The following IDH2 variants were observed in gnomAD, a reference collection of about 807,000 sequenced individuals.
IDH2 encodes isocitrate dehydrogenase [NADP], mitochondrial.
Under a neutral mutation model 50.5 loss-of-function variants are expected in IDH2, and 18 were observed. The ratio of observed to expected loss-of-function variants is 0.36; its 90% CI spans 0.25 to 0.53. The LOEUF (loss-of-function observed/expected upper bound fraction) is 0.53. IDH2 is among the 20% of genes least tolerant of loss of function. The pLI, the probability that IDH2 is intolerant of heterozygous loss-of-function variation, is 0.92. For synonymous variants in IDH2, 280 were observed against 239.8 expected (o/e 1.17, Z -1.55); for missense variants, 518 against 610.7 (o/e 0.85, Z 1.60).
chr15:90,099,335 C>T (rs1286800687), intron 1 of IDH2, among the ~76,000 whole-genome samples: 1 of 152,188 alleles, frequency 6.6e-6, no homozygotes, highest in African/African-American at 2.4e-5. Context: ...CTGCGAGTCC[C>T]TCTTCCCCCA....
In IDH2 at chr15:90,084,876, T is replaced by A. The variant is rs761426229; in HGVS notation, c.1211A>T (p.Glu404Val). 6.2e-7 allele frequency: 1 copy of A among 1,614,022 alleles called. No homozygotes were observed. The highest frequency in any genetic ancestry group is 8.5e-7 in the Non-Finnish European group (1 of 1,179,978). Residue 404 changes from glutamate to valine, a missense_variant, in exon 10 of 11, where the codon GAG (glutamate) becomes GTG (valine). Physicochemically the swap from Glu to Val is moderately radical, Grantham distance 121 (BLOSUM62 -2). Transcript: ENST00000330062. The surrounding 1 kb of genome is among the most constrained non-coding windows in gnomAD (Gnocchi z 5.0). The part of the protein sequence containing the change: ...FAQMLEKVCV[E>V]TVESGAMTKD... The stretch of plus-strand genomic sequence containing the variant: ...GGTCATGGCTCCACTCTCCACCGTC[T>A]CCACGCACACCTTCTCCAGCATCTG...
At chr15:90,092,082 A>G (rs996866173) in intron 1 of IDH2, among the ~76,000 whole-genome samples, 1 of 152,196 alleles carries the variant, frequency 6.6e-6, no homozygotes, top group Non-Finnish European at 1.5e-5. Flanking sequence ...GGGACTGTCT[A>G]GTTGCAGGAA....
At position 90,088,349 on chromosome 15, in the gene IDH2, C is replaced by G. The variant is rs756527073; in HGVS notation, c.678+10G>C. ...AGAGGAGGGGCCCAGGATGCCCAAG[C>G]CAGCCTCACCTCGTCGGTGTTGTAC... On this transcript the variant is annotated intron_variant, in intron 5 of 10. Coordinates refer to ENST00000330062, the MANE Select transcript of IDH2 (RefSeq NM_002168.4). The G allele has an allele frequency of 1.9e-5, 30 of 1,612,746 alleles. No homozygotes were observed. The highest frequency in any genetic ancestry group is 2.7e-5 in the African/African-American group (2 of 74,902).
intron 5 of IDH2, 77 bp downstream of exon 5, chr15:90,088,282 A>G (rs1225145753): frequency 3.8e-6 from 6 of 1,573,598 alleles, no homozygotes; most frequent in Non-Finnish European, 5.2e-6. Context: ...CCATTACAGA[A>G]GAAAGGAAAG....
intron 2 of IDH2, 109 bp downstream of exon 2, chr15:90,091,444 C>G (rs1287238480): frequency 1.3e-6 from 1 of 771,276 alleles, no homozygotes; most frequent in Non-Finnish European, 2.3e-6. Flanking sequence ...TGCTGCCTAC[C>G]AGGACAACGG....
Position 90,084,805 on chromosome 15 carries a change from A to G in IDH2, c.1271+11T>C, listed in dbSNP as rs200898927. 20 of 1,608,434 alleles carry G rather than the reference A, an allele frequency of 1.2e-5. No individual in the cohort carries two copies. The highest frequency in any genetic ancestry group is 8.3e-5 in the Admixed American group (5 of 59,996). On this transcript the variant is annotated intron_variant, in intron 10 of 10. Coordinates refer to ENST00000330062, the MANE Select transcript of IDH2 (RefSeq NM_002168.4). This position sits in a 1 kb window ranked among gnomAD's most constrained non-coding sequence, Gnocchi z 5.0. ...GGCCCCAGGGTCTGCCTACCACCCC[A>G]GGCCACGCACTTGCTGAGGCCGTGA...
intron 5 of IDH2, 38 bp downstream of exon 5, chr15:90,088,321 G>A (rs1190984795): frequency 1.2e-6 from 2 of 1,609,872 alleles, no homozygotes; most frequent in Non-Finnish European, 1.7e-6. Flanking sequence ...GAGACAAGCT[G>A]GGAGAGGAGG....
At chr15:90,097,569 C>G (rs1486602569) in intron 1 of IDH2, among the ~76,000 whole-genome samples, 2 of 152,152 alleles carry the variant, frequency 1.3e-5, no homozygotes, top group Non-Finnish European at 2.9e-5. Context: ...AAACCAGTCA[C>G]AAAAGACAAA....
intron 3 of IDH2, among the ~76,000 whole-genome samples, chr15:90,089,422 G>T (rs147823295): frequency 5.9e-5 from 9 of 152,170 alleles, no homozygotes; most frequent in East Asian, 3.8e-4. Flanking sequence ...CAGTCCGGGG[G>T]AAGGACTTGT....
rs1295630554 is a variant in IDH2 at position 90,084,426 on chromosome 15, G to C, written c.1272-73C>G. On this transcript the variant is annotated intron_variant, in intron 10 of 10. Coordinates refer to ENST00000330062, the MANE Select transcript of IDH2 (RefSeq NM_002168.4). This position sits in a 1 kb window ranked among gnomAD's most constrained non-coding sequence, Gnocchi z 5.0. The stretch of plus-strand genomic sequence containing the variant: ...AAGGCCATCAGCCAGGCCCTTCCAG[G>C]GAACAGCCTGAGCTTGGGCATCAGA... 3 of 1,359,192 alleles carry C rather than the reference G, an allele frequency of 2.2e-6. No homozygotes were observed. Among genetic ancestry groups the C allele is most frequent in the Non-Finnish European group, 3.1e-6 (3 of 967,200 alleles). The allele number at this position is 1,359,192 out of a possible 1,614,324, so 84.2% of individuals were successfully genotyped here.
rs1900837127 is a variant in IDH2, at chr15:90,085,485, A to C, written c.968-98T>G. ...TACAACCCAATATTGTAGCTGCCAT[A>C]GTTCGTGGCTCTACTCAGCCTCCCC... On this transcript the variant is annotated intron_variant, in intron 7 of 10. Coordinates refer to ENST00000330062, the MANE Select transcript of IDH2 (RefSeq NM_002168.4). The surrounding 1 kb of genome is among the most constrained non-coding windows in gnomAD (Gnocchi z 5.5). 2.4e-6 allele frequency: 2 copies of C among 850,770 alleles called. No homozygotes were observed. The highest frequency in any genetic ancestry group is 2.0e-5 in the Admixed American group (1 of 50,066). The allele number at this position is 850,770 out of a possible 1,614,324, so 52.7% of individuals were successfully genotyped here. A position where few individuals can be genotyped will look rare whatever the true frequency, so the allele number is the denominator to read the frequency against.
In IDH2 at chr15:90,084,809, C is replaced by T. The variant is rs919443631; in HGVS notation, c.1271+7G>A. The T allele has an allele frequency of 4.3e-6, 7 of 1,611,824 alleles. No individual in the cohort carries two copies. In the African/African-American group the frequency reaches 9.3e-5, roughly 22 times the overall value. ...CCAGGGTCTGCCTACCACCCCAGGC[C>T]ACGCACTTGCTGAGGCCGTGAATGC... On this transcript the variant is annotated splice_region_variant and intron_variant, in intron 10 of 10. Transcript: ENST00000330062. The surrounding 1 kb of genome is among the most constrained non-coding windows in gnomAD (Gnocchi z 5.0).
At chr15:90,102,042 C>T (rs1901346963) in intron 1 of IDH2, among the ~76,000 whole-genome samples, 1 of 151,898 alleles carries the variant, frequency 6.6e-6, no homozygotes, top group South Asian at 2.1e-4. Context: ...AGCTGGCCGT[C>T]GCCCGGGCCA....
intron 1 of IDH2, among the ~76,000 whole-genome samples, 194 bp from the exon 2 acceptor site, chr15:90,091,838 G>C (rs1901047345): frequency 6.6e-6 from 1 of 152,232 alleles, no homozygotes; most frequent in Non-Finnish European, 1.5e-5. Context: ...CCAGGCCATG[G>C]ACTAGTACCG....
At chr15:90,087,951 G>A (rs138310663) in intron 5 of IDH2, among the ~76,000 whole-genome samples, 92 of 152,022 alleles carry the variant, frequency 6.1e-4, no homozygotes, top group African/African-American at 2.1e-3. Context: ...TTTCTCCCCA[G>A]GGCCTCTGTG....
rs1555462240 is a variant in IDH2 at position 90,098,531 on chromosome 15, C to CATGCATGTATGTATGCATGCATGT, written c.115+3744_115+3745insACATGCATGCATACATACATGCAT. 5.8e-5 allele frequency among the ~76,000 whole-genome samples: 8 copies of CATGCATGTATGTATGCATGCATGT among 138,468 alleles called. No homozygotes were observed. Among genetic ancestry groups the CATGCATGTATGTATGCATGCATGT allele is most frequent in the East Asian group, 2.0e-4 (1 of 5,072 alleles). The allele number at this position is 138,468 out of a possible 152,430, so 90.8% of individuals were successfully genotyped here. On this transcript the variant is annotated intron_variant, in intron 1 of 10. Coordinates refer to ENST00000330062, the MANE Select transcript of IDH2 (RefSeq NM_002168.4). The surrounding 1 kb of genome is among the most constrained non-coding windows in gnomAD (Gnocchi z 5.1). ...GTATGTATGTATGTATGTATGCATG[C>CATGCATGTATGTATGCATGCATGT]ATGTATGTATGTATGTATGTATGTA...
At position 90,083,410 on chromosome 15, in the gene IDH2, G is replaced by A. The variant is rs1451750388; in HGVS notation, c.*856C>T. On this transcript the variant is annotated 3_prime_UTR_variant, in exon 11 of 11. Transcript: ENST00000330062. ...AGCCTCCCAAAGTACAGGGATTATAGGCGTGCGCCACTGTGCCCGGCCGAG... is the reference window on the plus strand; with the variant it reads ...AGCCTCCCAAAGTACAGGGATTATAAGCGTGCGCCACTGTGCCCGGCCGAG... 1 of 152,234 alleles carries A rather than the reference G, an allele frequency of 6.6e-6. No individual in the cohort carries two copies. Among genetic ancestry groups the A allele is most frequent in the Non-Finnish European group, 1.5e-5 (1 of 68,108 alleles). 9.4% of individuals were successfully genotyped at this position (152,234 alleles called of 1,614,324 possible).
In IDH2 at chr15:90,100,938, CTTTTT is replaced by C. The variant is rs35633367; in HGVS notation, c.115+1333_115+1337del. Among the ~76,000 whole-genome samples, 2 of 145,418 alleles carry C rather than the reference CTTTTT, an allele frequency of 1.4e-5. No homozygotes were observed. Among genetic ancestry groups the C allele is most frequent in the South Asian group, 2.2e-4 (1 of 4,582 alleles). On this transcript the variant is annotated intron_variant, in intron 1 of 10. Coordinates refer to ENST00000330062, the MANE Select transcript of IDH2 (RefSeq NM_002168.4). The surrounding 1 kb of genome is among the most constrained non-coding windows in gnomAD (Gnocchi z 4.1). ...TGTGTGTTTTTCGGGTTGTTTGTTT[CTTTTT>C]TTTTTTTTTACCATCAAGGCAGAAA...
At chr15:90,099,110 T>C (rs572456703) in intron 1 of IDH2, among the ~76,000 whole-genome samples, 1 of 152,282 alleles carries the variant, frequency 6.6e-6, no homozygotes, top group East Asian at 1.9e-4. Flanking sequence ...CATCCTCTCT[T>C]GCCAGGTCCC....
Sources: allele counts gnomAD v4.1 joint callset (sites outside exome capture counted in the v4.1 genomes callset), GRCh38; gene constraint gnomAD v4.1.1; non-coding constraint Gnocchi (gnomAD v3.1); transcripts MANE v1.5; gene names NCBI Gene and HGNC (gene_info 2026-07-23, HGNC 2026-07-21).